QTMAN: variants seen among roughly 807,000 people sequenced by gnomAD.
QTMAN encodes the protein tRNA-queuosine alpha-mannosyltransferase.
chr2:144,048,152 G>A, the QTMAN span, among the ~76,000 whole-genome samples: 2 of 152,120 alleles, frequency 1.3e-5, no homozygotes, highest in Non-Finnish European at 2.9e-5. Flanking sequence ...GACCCAGGGT[G>A]GGGGTGGTCA....
the QTMAN span, among the ~76,000 whole-genome samples, chr2:144,125,205 A>G: frequency 6.8e-4 from 104 of 152,110 alleles, no homozygotes; most frequent in African/African-American, 2.4e-3. Context: ...TCCCCGAGTT[A>G]GTATGAACAT....
At chr2:144,300,274 A>G in the QTMAN span, among the ~76,000 whole-genome samples, 1 of 152,370 alleles carries the variant, frequency 6.6e-6, no homozygotes, top group East Asian at 1.9e-4. Context: ...TGTTAGGTCC[A>G]TTTTACCACA....
chr2:144,212,507 G>A, the QTMAN span, among the ~76,000 whole-genome samples: 4 of 152,054 alleles, frequency 2.6e-5, no homozygotes, highest in African/African-American at 7.2e-5. Context: ...AAGAATACCC[G>A]AATTAGGGAT....
the QTMAN span, among the ~76,000 whole-genome samples, chr2:144,013,804 C>T: frequency 6.6e-6 from 1 of 152,074 alleles, no homozygotes. Flanking sequence ...TTCCTTGTTG[C>T]CAAACAATGT....
At chr2:144,269,954 T>G in the QTMAN span, among the ~76,000 whole-genome samples, 1 of 152,110 alleles carries the variant, frequency 6.6e-6, no homozygotes, top group Non-Finnish European at 1.5e-5. Flanking sequence ...TTCACAAATA[T>G]AAGGCAATAA....
At chr2:144,036,812 T>C in the QTMAN span, among the ~76,000 whole-genome samples, 1 of 152,180 alleles carries the variant, frequency 6.6e-6, no homozygotes, top group Non-Finnish European at 1.5e-5. Context: ...CAACAGGAAT[T>C]TTTTTGGGGG....
the QTMAN span, chr2:144,007,048 C>A: frequency 8.5e-6 from 5 of 587,002 alleles, no homozygotes; most frequent in Non-Finnish European, 1.5e-5. Flanking sequence ...CTTGGCAGAT[C>A]ATTAGTAATA....
At chr2:144,253,407 G>C in the QTMAN span, among the ~76,000 whole-genome samples, 1 of 152,142 alleles carries the variant, frequency 6.6e-6, no homozygotes, top group Non-Finnish European at 1.5e-5. Flanking sequence ...AACAAGCAGA[G>C]GTTGGAACAG....
chr2:144,161,168 C>G, the QTMAN span, among the ~76,000 whole-genome samples: 2 of 152,202 alleles, frequency 1.3e-5, no homozygotes, highest in African/African-American at 2.4e-5. Context: ...TCATGTTCTA[C>G]TAGCTGGGAT....
the QTMAN span, among the ~76,000 whole-genome samples, chr2:144,256,621 G>A: frequency 6.6e-6 from 1 of 152,122 alleles, no homozygotes; most frequent in Non-Finnish European, 1.5e-5. Flanking sequence ...AACGTTGCAT[G>A]TTCTCACTCA....
At chr2:144,058,287 C>G in the QTMAN span, among the ~76,000 whole-genome samples, 1 of 152,008 alleles carries the variant, frequency 6.6e-6, no homozygotes, top group African/African-American at 2.4e-5. Context: ...TGCTTTCACT[C>G]TATGCATTCT....
At chr2:144,028,682 T>C in the QTMAN span, among the ~76,000 whole-genome samples, 8 of 152,228 alleles carry the variant, frequency 5.3e-5, no homozygotes, top group Non-Finnish European at 7.3e-5. Context: ...CTAAAAAATA[T>C]ATATTGTTCT....
the QTMAN span, among the ~76,000 whole-genome samples, chr2:144,003,086 TTTG>T: frequency 6.6e-6 from 1 of 151,976 alleles, no homozygotes. Flanking sequence ...TATTTGGTTC[TTTG>T]TTATTTTAAA....
At chr2:144,310,198 G>A in the QTMAN span, among the ~76,000 whole-genome samples, 7 of 152,140 alleles carry the variant, frequency 4.6e-5, no homozygotes, top group Non-Finnish European at 8.8e-5. Flanking sequence ...GTCACCTGGG[G>A]GATGAACATT....
At chr2:143,998,765 A>C in the QTMAN span, among the ~76,000 whole-genome samples, 3 of 152,084 alleles carry the variant, frequency 2.0e-5, no homozygotes, top group Admixed American at 1.3e-4. Flanking sequence ...CCTAACCATT[A>C]CCACTCTTCT....
At chr2:144,229,355 A>C in the QTMAN span, among the ~76,000 whole-genome samples, 7 of 152,248 alleles carry the variant, frequency 4.6e-5, no homozygotes, top group African/African-American at 1.7e-4. Context: ...TGGCAATTCA[A>C]AGGAAAATTA....
At chr2:144,064,210 AAAG>A in the QTMAN span, among the ~76,000 whole-genome samples, 3 of 152,218 alleles carry the variant, frequency 2.0e-5, no homozygotes, top group Non-Finnish European at 4.4e-5. Context: ...TTTATAGAAG[AAAG>A]AATAAAAGCA....
chr2:144,191,561 A>G, the QTMAN span, among the ~76,000 whole-genome samples: 1 of 152,344 alleles, frequency 6.6e-6, no homozygotes, highest in East Asian at 1.9e-4. Flanking sequence ...AGAATACATT[A>G]TAAATTTTGA....
the QTMAN span, among the ~76,000 whole-genome samples, chr2:144,070,847 G>T: frequency 6.6e-6 from 1 of 151,982 alleles, no homozygotes; most frequent in Non-Finnish European, 1.5e-5. Context: ...AGCCAAACCG[G>T]GACTCCTCTG....
Sources: gnomAD v4.1 joint callset for allele counts (sites outside exome capture counted in the v4.1 genomes callset) on GRCh38, gnomAD v4.1.1 for gene constraint, MANE v1.5 for transcripts, NCBI Gene and HGNC (gene_info 2026-07-23, HGNC 2026-07-21) for gene names.